The following PATJ variants were observed in gnomAD, a reference collection of about 807,000 sequenced individuals.
PATJ encodes PATJ crumbs cell polarity complex component.
Under a neutral mutation model 224.9 loss-of-function variants are expected in PATJ, and 190 were observed. That is an observed-to-expected ratio of 0.84 (90% CI 0.75 to 0.95). The LOEUF (loss-of-function observed/expected upper bound fraction) is 0.95. Among genes scored for constraint, PATJ ranks in the 40% least tolerant of loss-of-function variants. PATJ has a pLI of 0.00. For missense variants in PATJ, 2,121 were observed against 2,270.3 expected (o/e 0.93, Z 1.34); for synonymous variants, 769 against 820.3 (o/e 0.94, Z 1.07).
At chr1:61,999,519 T>G (rs1645616589) in intron 28 of PATJ, among the ~76,000 whole-genome samples, 1 of 151,906 alleles carries the variant, frequency 6.6e-6, no homozygotes, top group African/African-American at 2.4e-5. Context: ...AATACAAAAA[T>G]TAGCCAAAAA....
At position 61,824,201 on chromosome 1, in the gene PATJ, A is replaced by G. The variant is rs116551242; in HGVS notation, c.1818+1122A>G. ...AAATGAGATATATTTGTTTGGGAGA[A>G]ATGGAGGTATGAGTATAACCAATTT... On this transcript the variant is annotated intron_variant, in intron 15 of 43. Coordinates refer to ENST00000642238, the MANE Select transcript of PATJ (RefSeq NM_001350145.3). 2.4e-3 allele frequency among the ~76,000 whole-genome samples: 370 copies of G among 151,276 alleles called. 1 individual carries two copies. Among genetic ancestry groups the G allele is most frequent in the African/African-American group, 8.7e-3 (358 of 41,276 alleles).
chr1:62,042,117 T>G (rs554918572), intron 30 of PATJ, among the ~76,000 whole-genome samples: 31 of 152,350 alleles, frequency 2.0e-4, no homozygotes, highest in African/African-American at 6.7e-4. Context: ...TTAATCAAAT[T>G]TGTGTGCCAT....
intron 28 of PATJ, among the ~76,000 whole-genome samples, chr1:61,997,814 TGTTTTGTTTTAA>T (rs1395142493): frequency 4.8e-5 from 6 of 124,918 alleles, no homozygotes; most frequent in Non-Finnish European, 9.2e-5. Context: ...TGTTTTGTTT[TGTTTTGTTTTAA>T]AAAAAAAAAA....
Position 62,123,058 on chromosome 1 carries a change from G to A in PATJ, c.5043G>A (p.Arg1681=). 6.3e-7 allele frequency: 1 copy of A among 1,592,082 alleles called. No homozygotes were observed. Among genetic ancestry groups the A allele is most frequent in the Non-Finnish European group, 8.6e-7 (1 of 1,165,954 alleles). ...AACCAAGGACTGTTGAGATAAACAG[G>A]GTAAGTCAGTCATTTTGCTGTATGT... ...DMEPRTVEIN[R]ELSDALGISI... Residue 1681 remains arginine (R), a splice_region_variant and synonymous_variant, in exon 39 of 44, where the codon AGG becomes AGA. Transcript: ENST00000642238.
At chr1:61,874,086 T>C (rs1306457588) in intron 20 of PATJ, among the ~76,000 whole-genome samples, 1 of 152,182 alleles carries the variant, frequency 6.6e-6, no homozygotes, top group African/African-American at 2.4e-5. Flanking sequence ...TCTGCATCAG[T>C]GAGGGCCCCC....
chr1:61,750,971 G>A (rs1325888112), intron 1 of PATJ, among the ~76,000 whole-genome samples: 3 of 149,428 alleles, frequency 2.0e-5, no homozygotes. Flanking sequence ...TTTTTTCATA[G>A]TATCCCTTTC....
intron 16 of PATJ, among the ~76,000 whole-genome samples, chr1:61,831,572 T>C (rs1245847086): frequency 1.3e-5 from 2 of 152,140 alleles, no homozygotes; most frequent in Admixed American, 6.5e-5. Flanking sequence ...AACCACCATA[T>C]GAAAAAATGC....
chr1:62,070,601 G>C (rs1047740016), intron 31 of PATJ, among the ~76,000 whole-genome samples: 1 of 152,190 alleles, frequency 6.6e-6, no homozygotes, highest in African/African-American at 2.4e-5. Context: ...TGTGGAAGGG[G>C]CACCACCCAG....
intron 31 of PATJ, chr1:62,072,331 T>C (rs967442398): frequency 1.3e-4 from 19 of 151,990 alleles, no homozygotes; most frequent in Non-Finnish European, 2.6e-4. Context: ...TAATTGAATG[T>C]CTTAAGGGGA....
Position 62,000,439 on chromosome 1 carries a change from T to C in PATJ, c.3867+10075T>C, listed in dbSNP as rs1169341606. Among the ~76,000 whole-genome samples the C allele has an allele frequency of 6.1e-5, 9 of 146,830 alleles. No homozygotes were observed. In the East Asian group the frequency reaches 1.7e-3, roughly 28 times the overall value. On this transcript the variant is annotated intron_variant, in intron 28 of 43. Transcript: ENST00000642238. ...TTCAATTCCCATCTATGAGTGAGAA[T>C]ATGCAGTGTTTGGTTTTTTGTTCTT... is the stretch of plus-strand genomic sequence containing the variant.
chr1:62,116,483 T>C, intron 35 of PATJ, 49 bp from the exon 36 acceptor site: 1 of 1,600,944 alleles, frequency 6.2e-7, no homozygotes, highest in African/African-American at 1.3e-5. Context: ...GTATTATGCA[T>C]GGAAATATTA....
Position 61,832,361 on chromosome 1 carries a change from A to T in PATJ, c.1981-1293A>T, listed in dbSNP as rs574958136. Among the ~76,000 whole-genome samples the T allele has an allele frequency of 3.9e-5, 6 of 152,300 alleles. No homozygotes were observed. The South Asian group carries it at 1.2e-3, about 32-fold the overall frequency. ...GAGAATAAATACATAAATAAATAAA[A>T]TAAATTTTTTAAACTAGCTATTTTC... On this transcript the variant is annotated intron_variant, in intron 16 of 43. Coordinates refer to ENST00000642238, the MANE Select transcript of PATJ (RefSeq NM_001350145.3).
In PATJ at chr1:62,129,448, G is replaced by A. The variant is rs558169808; in HGVS notation, c.5271+503G>A. 8.5e-5 allele frequency among the ~76,000 whole-genome samples: 13 copies of A among 152,304 alleles called. No homozygotes were observed. In the East Asian group the frequency reaches 1.7e-3, roughly 20 times the overall value. ...ATCAGCTGTGGTCCCCAGCTGTATTGTTCAGAGGCACAAGGAAATATACCA... is the reference window on the plus strand; with the variant it reads ...ATCAGCTGTGGTCCCCAGCTGTATTATTCAGAGGCACAAGGAAATATACCA... On this transcript the variant is annotated intron_variant, in intron 41 of 43. Coordinates refer to ENST00000642238, the MANE Select transcript of PATJ (RefSeq NM_001350145.3).
intron 28 of PATJ, among the ~76,000 whole-genome samples, chr1:61,996,395 T>G (rs776779473): frequency 3.3e-5 from 5 of 152,218 alleles, no homozygotes; most frequent in African/African-American, 9.6e-5. Context: ...GCCAGTGAAT[T>G]GTTTTTGAAA....
intron 27 of PATJ, among the ~76,000 whole-genome samples, chr1:61,988,715 T>C (rs1644899615): frequency 6.6e-6 from 1 of 152,240 alleles, no homozygotes; most frequent in Admixed American, 6.5e-5. Context: ...TCTTTTATTA[T>C]AAATTTATGC....
intron 20 of PATJ, among the ~76,000 whole-genome samples, chr1:61,871,502 C>CACATATATGTGTATATATGT (rs1666555384): frequency 3.6e-5 from 1 of 27,680 alleles, no homozygotes; most frequent in Non-Finnish European, 9.2e-5. Flanking sequence ...TGTATATATA[C>CACATATATGTGTATATATGT]ATATATACGC....
At chr1:61,863,549 A>G (rs1664961038) in intron 19 of PATJ, among the ~76,000 whole-genome samples, 1 of 152,204 alleles carries the variant, frequency 6.6e-6, no homozygotes. Flanking sequence ...GAGCAAATCT[A>G]TATGCCAGGT....
intron 24 of PATJ, among the ~76,000 whole-genome samples, chr1:61,906,582 G>A (rs553285877): frequency 1.3e-5 from 2 of 152,300 alleles, no homozygotes; most frequent in East Asian, 3.9e-4. Flanking sequence ...TATGTCCTCA[G>A]CTTCTCATGT....
At chr1:62,144,112 A>G (rs1018383034) in intron 41 of PATJ, among the ~76,000 whole-genome samples, 1 of 152,206 alleles carries the variant, frequency 6.6e-6, no homozygotes, top group African/African-American at 2.4e-5. Flanking sequence ...GGAGAAATCT[A>G]TCGTTTCCTC....
Sources: gnomAD v4.1 joint callset for allele counts (sites outside exome capture counted in the v4.1 genomes callset) on GRCh38, gnomAD v4.1.1 for gene constraint, MANE v1.5 for transcripts, NCBI Gene and HGNC (gene_info 2026-07-23, HGNC 2026-07-21) for gene names.